FZR1: variants seen among roughly 807,000 people sequenced by gnomAD.
The protein encoded by FZR1 is fizzy-related protein homolog.
Under a neutral mutation model 63.6 loss-of-function variants are expected in FZR1, and 11 were observed. The ratio of observed to expected loss-of-function variants is 0.17; its 90% CI spans 0.11 to 0.29. FZR1 has a LOEUF of 0.29. Ranked by LOEUF, FZR1 falls within the 10% of genes least tolerant of loss-of-function variation. The probability of loss-of-function intolerance (pLI) is 1.00; values close to 1 mark genes in which losing one functional copy is unlikely to be tolerated. For missense variants in FZR1, 440 were observed against 687.5 expected (o/e 0.64, Z 4.03); for synonymous variants, 328 against 297.9 (o/e 1.10, Z -1.04).
Position 3,532,458 on chromosome 19 carries a change from G to C in FZR1, c.1050G>C (p.Gln350His), listed in dbSNP as rs368048244. 20 of 1,602,766 alleles carry C rather than the reference G, an allele frequency of 1.2e-5. No homozygotes were observed. The highest frequency in any genetic ancestry group is 1.6e-5 in the Non-Finnish European group (19 of 1,173,262). ...ACTCGAGCCTGAGCCCCGTGCAGCA[G>C]TACACGGAGCACCTGGCGGCCGTGA... ...WNHSSLSPVQ[Q>H]YTEHLAAVKA... The change falls in exon 11 of 14, where the codon CAG (glutamine) becomes CAC (histidine). Residue 350 changes from glutamine (Q) to histidine (H), a missense_variant. By Grantham distance (24) the Gln-to-His change is conservative. This residue lies in a region of FZR1 where 208 missense variants were observed against 363.6 expected (regional missense o/e 0.57). Coordinates refer to ENST00000441788, the MANE Select transcript of FZR1 (RefSeq NM_016263.4).
chr19:3,507,072 C>T (rs768490210), intron 1 of FZR1, among the ~76,000 whole-genome samples: 2 of 152,154 alleles, frequency 1.3e-5, no homozygotes, highest in Non-Finnish European at 2.9e-5. Context: ...CTGTTGTGTC[C>T]ACCAGTCCCC....
chr19:3,511,048 G>A (rs1007969596), intron 1 of FZR1, among the ~76,000 whole-genome samples: 1 of 152,228 alleles, frequency 6.6e-6, no homozygotes, highest in Non-Finnish European at 1.5e-5. Context: ...AGAGATGTGC[G>A]GGCCTCGGGA....
At chr19:3,528,018 G>C (rs2083178849) in intron 7 of FZR1, among the ~76,000 whole-genome samples, 1 of 151,420 alleles carries the variant, frequency 6.6e-6, no homozygotes, top group Non-Finnish European at 1.5e-5. Flanking sequence ...CCCAGTCAGG[G>C]CCTCCCAGCC....
chr19:3,528,010 C>T (rs2083178598), intron 7 of FZR1, among the ~76,000 whole-genome samples, 196 bp downstream of exon 7: 1 of 151,912 alleles, frequency 6.6e-6, no homozygotes, highest in South Asian at 2.1e-4. Context: ...ATGGCCCTCC[C>T]AGTCAGGGCC....
chr19:3,530,755 G>C (rs2083238942), intron 7 of FZR1, 37 bp from the exon 8 acceptor site: 1 of 1,566,074 alleles, frequency 6.4e-7, no homozygotes, highest in African/African-American at 1.4e-5. Flanking sequence ...GGGGCTTCGA[G>C]ACCAGCGGCA....
rs917117265 is a variant in FZR1 at position 3,526,906 on chromosome 19, C to T, written c.388-74C>T. 10 of 1,001,504 alleles carry T rather than the reference C, an allele frequency of 1.0e-5. No homozygotes were observed. Among genetic ancestry groups the T allele is most frequent in the East Asian group, 2.4e-5 (1 of 42,198 alleles). The allele number at this position is 1,001,504 out of a possible 1,614,324, so 62.0% of individuals were successfully genotyped here. A position where few individuals can be genotyped will look rare whatever the true frequency, so the allele number is the denominator to read the frequency against. On this transcript the variant is annotated intron_variant, in intron 5 of 13. Coordinates refer to ENST00000441788, the MANE Select transcript of FZR1 (RefSeq NM_016263.4). This position sits in a 1 kb window ranked among gnomAD's most constrained non-coding sequence, Gnocchi z 5.4. ...TTAGGGCTATGAGCTGTACCGGGAG[C>T]GTGGGCTGCTGGGGGGCTCTGAGGG...
chr19:3,521,691 G>A (rs1471075862), intron 1 of FZR1, among the ~76,000 whole-genome samples: 2 of 152,008 alleles, frequency 1.3e-5, no homozygotes, highest in African/African-American at 4.8e-5. Flanking sequence ...TAGTAGAGAC[G>A]GGGTTTCACC....
intron 1 of FZR1, among the ~76,000 whole-genome samples, chr19:3,511,421 G>A (rs552424188): frequency 6.6e-6 from 1 of 152,210 alleles, no homozygotes; most frequent in Non-Finnish European, 1.5e-5. Flanking sequence ...ACTGCCTGCC[G>A]GCTGGGTACA....
At chr19:3,532,154 CAGGAACGGAAGA>C in intron 10 of FZR1, 59 bp downstream of exon 10, 1 of 1,418,066 alleles carries the variant, frequency 7.1e-7, no homozygotes, top group Non-Finnish European at 9.3e-7. Flanking sequence ...CTCACACTGG[CAGGAACGGAAGA>C]GCCTGGGCTG....
chr19:3,513,159 G>C (rs1195043734), intron 1 of FZR1, among the ~76,000 whole-genome samples: 1 of 152,060 alleles, frequency 6.6e-6, no homozygotes, highest in East Asian at 1.9e-4. Flanking sequence ...GCAGGGGTTG[G>C]GACCTGTGAG....
rs764989482 is a variant in FZR1, at chr19:3,527,051, C to T, written c.459C>T (p.Val153=). 14 of 1,610,568 alleles carry T rather than the reference C, an allele frequency of 8.7e-6. No individual in the cohort carries two copies. The highest frequency in any genetic ancestry group is 1.7e-5 in the Admixed American group (1 of 60,014). The stretch of plus-strand genomic sequence containing the variant: ...TGTCTCCCTACTCCCTGTCTCCCGT[C>T]AGCAACAAGAGGTGGGTCCCAGCTT... ...NDVSPYSLSP[V]SNKSQKLLRS... is the part of the protein sequence containing the mutation. The change falls in exon 6 of 14, where the codon GTC becomes GTT. Residue 153 remains valine (V), a synonymous_variant. Coordinates refer to ENST00000441788, the MANE Select transcript of FZR1 (RefSeq NM_016263.4).
chr19:3,518,739 C>T (rs1163246422), intron 1 of FZR1, among the ~76,000 whole-genome samples: 2 of 152,208 alleles, frequency 1.3e-5, no homozygotes, highest in Non-Finnish European at 2.9e-5. Flanking sequence ...TGGTGCATGT[C>T]TCTGGTCCTA....
intron 13 of FZR1, 74 bp from the exon 14 acceptor site, chr19:3,534,721 C>A (rs2083279936): frequency 1.4e-6 from 2 of 1,391,664 alleles, no homozygotes; most frequent in Middle Eastern, 1.8e-4. Flanking sequence ...AGCCCCAAAG[C>A]CTTGGGGACC....
At chr19:3,508,404 A>C (rs1436806703) in intron 1 of FZR1, among the ~76,000 whole-genome samples, 1 of 152,064 alleles carries the variant, frequency 6.6e-6, no homozygotes, top group Non-Finnish European at 1.5e-5. Flanking sequence ...CATGTTGGCC[A>C]GGCTGGTCTC....
intron 13 of FZR1, 25 bp downstream of exon 13, chr19:3,534,538 A>T (rs369223327): frequency 1.4e-6 from 2 of 1,459,302 alleles, no homozygotes; most frequent in African/African-American, 2.8e-5. Context: ...TATCAGCGCC[A>T]CTCGCCCCCG....
chr19:3,536,286 T>G lies in FZR1; in HGVS notation c.*1450T>G, dbSNP rs1599798407. 2 of 151,958 alleles carry G rather than the reference T, an allele frequency of 1.3e-5. No individual in the cohort carries two copies. The highest frequency in any genetic ancestry group is 2.9e-5 in the Non-Finnish European group (2 of 67,976). 9.4% of individuals were successfully genotyped at this position (151,958 alleles called of 1,614,324 possible). Reference sequence around the variant, plus strand: ...CACCCACTGCTCCTGGGGGATGAGGTCCTGGTTTTAAAGCCCCGTCATTTC... The same window carrying G: ...CACCCACTGCTCCTGGGGGATGAGGGCCTGGTTTTAAAGCCCCGTCATTTC... On this transcript the variant is annotated 3_prime_UTR_variant, in exon 14 of 14. Coordinates refer to ENST00000441788, the MANE Select transcript of FZR1 (RefSeq NM_016263.4).
At position 3,532,397 on chromosome 19, in the gene FZR1, T is replaced by A. The variant is rs781547074; in HGVS notation, c.1009-20T>A. ...CCACAGGGCTGGGACAGCCCCGGCC[T>A]CACAGCCCCTGTCCCCCAGCTGCTG... On this transcript the variant is annotated intron_variant, in intron 10 of 13. Coordinates refer to ENST00000441788, the MANE Select transcript of FZR1 (RefSeq NM_016263.4). The A allele has an allele frequency of 6.4e-7, 1 of 1,572,214 alleles. No homozygotes were observed. The highest frequency in any genetic ancestry group is 8.7e-7 in the Non-Finnish European group (1 of 1,154,864).
intron 7 of FZR1, 51 bp from the exon 8 acceptor site, chr19:3,530,741 G>T: frequency 7.1e-7 from 1 of 1,410,304 alleles, no homozygotes. Flanking sequence ...CCCATGGATA[G>T]ACTGGGGCTT....
chr19:3,531,758 C>A lies in FZR1; in HGVS notation c.765C>A (p.Ile255=). 1 of 1,550,302 alleles carries A rather than the reference C, an allele frequency of 6.5e-7. No homozygotes were observed. The highest frequency in any genetic ancestry group is 8.7e-7 in the Non-Finnish European group (1 of 1,146,740). ...GCACACACAAGGGCTTCGTGCAGATCTGGGACGCAGCCGCAGGGAAGAAGC... is the reference window on the plus strand; with the variant it reads ...GCACACACAAGGGCTTCGTGCAGATATGGGACGCAGCCGCAGGGAAGAAGC... The part of the protein sequence containing the change: ...AVGTHKGFVQ[I]WDAAAGKKLS... Residue 255 remains isoleucine, a synonymous_variant, in exon 9 of 14, where the codon ATC becomes ATA. Coordinates refer to ENST00000441788, the MANE Select transcript of FZR1 (RefSeq NM_016263.4).
Sources: gnomAD v4.1 joint callset for allele counts (sites outside exome capture counted in the v4.1 genomes callset) on GRCh38, gnomAD v4.1.1 for gene constraint, gnomAD v4.1.1 regional missense constraint, Gnocchi (gnomAD v3.1) non-coding constraint, MANE v1.5 for transcripts, NCBI Gene and HGNC (gene_info 2026-07-23, HGNC 2026-07-21) for gene names.